TDRD7: variants seen among roughly 807,000 people sequenced by gnomAD.
The protein encoded by TDRD7 is tudor domain-containing protein 7.
A neutral mutation model predicts 109.8 loss-of-function variants in TDRD7; 47 were observed. That is an observed-to-expected ratio of 0.43 (90% CI 0.34 to 0.55). The LOEUF (loss-of-function observed/expected upper bound fraction) is 0.55. TDRD7 is among the 20% of genes least tolerant of loss of function. TDRD7 has a pLI of 0.03. For missense variants in TDRD7, 1,164 were observed against 1,319.2 expected (o/e 0.88, Z 1.82); for synonymous variants, 424 against 457.3 (o/e 0.93, Z 0.93).
chr9:97,462,319 T>C (rs1828739841), intron 7 of TDRD7, among the ~76,000 whole-genome samples: 1 of 152,216 alleles, frequency 6.6e-6, no homozygotes, highest in Non-Finnish European at 1.5e-5. Flanking sequence ...GGTCGTCAGA[T>C]TATTTAAATA....
At chr9:97,473,789 G>A (rs1004017709) in intron 11 of TDRD7, among the ~76,000 whole-genome samples, 163 bp downstream of exon 11, 5 of 152,186 alleles carry the variant, frequency 3.3e-5, no homozygotes, top group Non-Finnish European at 7.3e-5. Flanking sequence ...AGACTTCAGA[G>A]CTTTAAAAGA....
chr9:97,453,610 G>T (rs983630790), intron 6 of TDRD7, among the ~76,000 whole-genome samples: 1 of 151,984 alleles, frequency 6.6e-6, no homozygotes, highest in Non-Finnish European at 1.5e-5. Flanking sequence ...GGGAGGCAGT[G>T]AGTGAGCAAC....
Position 97,470,653 on chromosome 9 carries a change from A to C in TDRD7, c.1725A>C (p.Thr575=). The change falls in exon 9 of 17, where the codon ACA becomes ACC. Residue 575 remains threonine (T), a synonymous_variant. Coordinates refer to ENST00000355295, the MANE Select transcript of TDRD7 (RefSeq NM_014290.3). ...PKFCSLSFQA[T]KCKLAGLEVL... is the part of the protein sequence containing the mutation. ...TTTGTTCACTCTCATTTCAAGCTAC[A>C]AAATGTAAGCTTGCAGGTAAGAGGA... 6.2e-7 allele frequency: 1 copy of C among 1,613,768 alleles called. No individual in the cohort carries two copies. Among genetic ancestry groups the C allele is most frequent in the Non-Finnish European group, 8.5e-7 (1 of 1,179,778 alleles).
At chr9:97,492,477 G>T (rs1829324116) in intron 16 of TDRD7, among the ~76,000 whole-genome samples, 1 of 152,152 alleles carries the variant, frequency 6.6e-6, no homozygotes, top group Non-Finnish European at 1.5e-5. Flanking sequence ...AAGTCAAAAG[G>T]CTGAGATTCA....
intron 16 of TDRD7, among the ~76,000 whole-genome samples, chr9:97,490,104 G>C (rs1240136778): frequency 6.6e-6 from 1 of 152,076 alleles, no homozygotes; most frequent in African/African-American, 2.4e-5. Flanking sequence ...CTATCTAATA[G>C]ATGAATTAAG....
Position 97,487,169 on chromosome 9 carries a change from T to G in TDRD7, c.2916-3T>G. 5 of 1,613,922 alleles carry G rather than the reference T, an allele frequency of 3.1e-6. No homozygotes were observed. The highest frequency in any genetic ancestry group is 4.2e-6 in the Non-Finnish European group (5 of 1,179,832). On this transcript the variant is annotated splice_region_variant and splice_polypyrimidine_tract_variant and intron_variant, in intron 15 of 16. Coordinates refer to ENST00000355295, the MANE Select transcript of TDRD7 (RefSeq NM_014290.3). Reference sequence around the variant, plus strand: ...CTTCCTTTTTAATTTAATGTACATCTAGGTGGCACAGGGTGCTTTTAAAAG... The same window carrying G: ...CTTCCTTTTTAATTTAATGTACATCGAGGTGGCACAGGGTGCTTTTAAAAG...
At chr9:97,453,639 C>T (rs1465270223) in intron 6 of TDRD7, among the ~76,000 whole-genome samples, 1 of 152,016 alleles carries the variant, frequency 6.6e-6, no homozygotes, top group African/African-American at 2.4e-5. Context: ...GTGCTATGTT[C>T]AGGAGACCCA....
chr9:97,483,878 A>C (rs1829167043), intron 15 of TDRD7, among the ~76,000 whole-genome samples: 1 of 152,126 alleles, frequency 6.6e-6, no homozygotes, highest in Non-Finnish European at 1.5e-5. Flanking sequence ...CATGTGATAA[A>C]ATTTCTTCAG....
At chr9:97,446,776 G>T (rs1370585841) in intron 6 of TDRD7, among the ~76,000 whole-genome samples, 1 of 152,126 alleles carries the variant, frequency 6.6e-6, no homozygotes, top group Non-Finnish European at 1.5e-5. Flanking sequence ...AGATAATAAA[G>T]CACCTTTTTG....
intron 8 of TDRD7, 116 bp downstream of exon 8, chr9:97,465,144 GT>G: frequency 1.6e-6 from 2 of 1,266,590 alleles, no homozygotes; most frequent in East Asian, 5.1e-5. Context: ...ATTAAATGTA[GT>G]TTTCAATGGA....
chr9:97,478,868 T>C (rs1419069355), intron 13 of TDRD7, among the ~76,000 whole-genome samples: 1 of 152,236 alleles, frequency 6.6e-6, no homozygotes, highest in Admixed American at 6.5e-5. Flanking sequence ...TACTGACTTA[T>C]GTACAGTTCC....
intron 8 of TDRD7, among the ~76,000 whole-genome samples, chr9:97,469,920 AAAG>A (rs1828883151): frequency 6.6e-6 from 1 of 152,168 alleles, no homozygotes; most frequent in Admixed American, 6.5e-5. Flanking sequence ...TGCTGAGCTG[AAAG>A]AAGACCTAAC....
chr9:97,419,739 T>C (rs1827867897), intron 1 of TDRD7, among the ~76,000 whole-genome samples: 1 of 152,212 alleles, frequency 6.6e-6, no homozygotes, highest in African/African-American at 2.4e-5. Context: ...TGTTTTTTTC[T>C]TTTTTACTCT....
chr9:97,453,836 A>G (rs1828552615), intron 6 of TDRD7, among the ~76,000 whole-genome samples: 1 of 152,240 alleles, frequency 6.6e-6, no homozygotes, highest in South Asian at 2.1e-4. Flanking sequence ...GAACAATTCA[A>G]CAAGAAGAGC....
In TDRD7 at chr9:97,428,642, G is replaced by A; in HGVS notation, c.177G>A (p.Val59=). 6.2e-7 allele frequency: 1 copy of A among 1,613,858 alleles called. No homozygotes were observed. ...LEAYLRSVPA[V]VRIETSRSGE... is the part of the protein sequence containing the mutation. ...CCTATCTGAGAAGTGTGCCAGCAGT[G>A]GTCAGGATAGAGACTAGTAGATCTG... Residue 59 remains valine, a synonymous_variant, in exon 2 of 17, where the codon GTG becomes GTA. Transcript: ENST00000355295.
At chr9:97,459,306 G>A (rs1828669655) in intron 6 of TDRD7, among the ~76,000 whole-genome samples, 1 of 152,048 alleles carries the variant, frequency 6.6e-6, no homozygotes, top group South Asian at 2.1e-4. Context: ...TGTATATTGA[G>A]TTTCATATAA....
At chr9:97,484,292 C>A (rs1226467538) in intron 15 of TDRD7, among the ~76,000 whole-genome samples, 1 of 152,188 alleles carries the variant, frequency 6.6e-6, no homozygotes, top group Non-Finnish European at 1.5e-5. Context: ...CAAAGCCCTG[C>A]AGGATGTGCT....
At chr9:97,494,775 G>A (rs1829369157) in intron 16 of TDRD7, among the ~76,000 whole-genome samples, 1 of 150,182 alleles carries the variant, frequency 6.7e-6, no homozygotes, top group Non-Finnish European at 1.5e-5. Flanking sequence ...CAGTGATGCA[G>A]TCACGGCTCA....
intron 4 of TDRD7, among the ~76,000 whole-genome samples, chr9:97,435,225 A>T (rs769643224): frequency 1.8e-5 from 2 of 112,732 alleles, no homozygotes; most frequent in Non-Finnish European, 1.9e-5. Context: ...TTTGATATGT[A>T]CTATGCAAGA....
Sources: gnomAD v4.1 joint callset for allele counts (sites outside exome capture counted in the v4.1 genomes callset) on GRCh38, gnomAD v4.1.1 for gene constraint, MANE v1.5 for transcripts, NCBI Gene and HGNC (gene_info 2026-07-23, HGNC 2026-07-21) for gene names.